The following SNX8 variants were observed in gnomAD, a reference collection of about 807,000 sequenced individuals.
SNX8 encodes the protein sorting nexin-8.
In SNX8, 25 loss-of-function variants were observed where a neutral mutation model predicts 51.6. The ratio of observed to expected loss-of-function variants is 0.48; its 90% CI spans 0.35 to 0.68. The LOEUF (loss-of-function observed/expected upper bound fraction) is 0.68. Among genes scored for constraint, SNX8 ranks in the 30% least tolerant of loss-of-function variants. SNX8 has a pLI of 0.00. For missense variants in SNX8, 695 were observed against 624.0 expected (o/e 1.11, Z -1.21); for synonymous variants, 324 against 277.0 (o/e 1.17, Z -1.68).
intron 3 of SNX8, among the ~76,000 whole-genome samples, chr7:2,273,409 T>C (rs1447336607): frequency 1.4e-5 from 2 of 146,660 alleles, no homozygotes; most frequent in Non-Finnish European, 3.0e-5. Context: ...TGAAACCCCA[T>C]CTCCACTAAA....
At chr7:2,292,572 C>A (rs1020296169) in intron 1 of SNX8, among the ~76,000 whole-genome samples, 3 of 151,888 alleles carry the variant, frequency 2.0e-5, no homozygotes, top group Non-Finnish European at 4.4e-5. Context: ...CCACCACACC[C>A]GGCTAATTTT....
intron 5 of SNX8, among the ~76,000 whole-genome samples, chr7:2,264,945 G>A (rs1191233127): frequency 6.6e-6 from 1 of 152,224 alleles, no homozygotes; most frequent in Non-Finnish European, 1.5e-5. Context: ...TGAGACAGGA[G>A]AATTGCTTGA....
chr7:2,285,341 T>C (rs13220928), intron 1 of SNX8, among the ~76,000 whole-genome samples: 1 of 151,634 alleles, frequency 6.6e-6, no homozygotes, highest in Non-Finnish European at 1.5e-5. Context: ...GTGAGCCAAG[T>C]TCGCGCCACT....
intron 1 of SNX8, among the ~76,000 whole-genome samples, chr7:2,301,236 CAG>C (rs1367355403): frequency 6.6e-6 from 1 of 152,202 alleles, no homozygotes; most frequent in African/African-American, 2.4e-5. Flanking sequence ...GCAAATCCAA[CAG>C]AGACCCTCAC....
intron 7 of SNX8, among the ~76,000 whole-genome samples, chr7:2,262,519 G>A (rs191028501): frequency 3.5e-4 from 50 of 141,342 alleles, no homozygotes; most frequent in East Asian, 3.4e-3. Flanking sequence ...GGTGGGAGCC[G>A]CTCAGGTGCT....
rs777773461 is a variant in SNX8 at position 2,257,465 on chromosome 7, GC to G, written c.1033del (p.Ala345ProfsTer7). ...EKGVLHKHQR[A>X]LHKYSLMKRQ... The stretch of plus-strand genomic sequence containing the variant: ...CTTCATCAGGCTGTACTTGTGCAGG[GC>G]CCGCTGGTGCTTGTGCAACACGCCC... On this transcript the variant is annotated frameshift_variant, in exon 9 of 11. Coordinates refer to ENST00000222990, the MANE Select transcript of SNX8 (RefSeq NM_013321.4). LOFTEE classifies it high-confidence loss of function. 2 of 1,607,634 alleles carry G rather than the reference GC, an allele frequency of 1.2e-6. No homozygotes were observed. Among genetic ancestry groups the G allele is most frequent in the Non-Finnish European group, 1.7e-6 (2 of 1,178,406 alleles).
intron 1 of SNX8, among the ~76,000 whole-genome samples, chr7:2,287,194 G>T (rs937398337): frequency 9.3e-5 from 14 of 151,348 alleles, no homozygotes; most frequent in African/African-American, 3.4e-4. Context: ...TGTTGCTCAG[G>T]CTAGTCTCAA....
intron 1 of SNX8, among the ~76,000 whole-genome samples, chr7:2,342,702 G>A (rs929035189): frequency 2.0e-5 from 3 of 151,960 alleles, no homozygotes; most frequent in African/African-American, 4.8e-5. Flanking sequence ...AAAGTATCAC[G>A]TAAGTGGAGA....
chr7:2,282,212 A>T (rs1330144495), intron 1 of SNX8, among the ~76,000 whole-genome samples: 1 of 151,890 alleles, frequency 6.6e-6, no homozygotes, highest in Non-Finnish European at 1.5e-5. Context: ...ACCCACTAAA[A>T]CTCAGAATGC....
chr7:2,328,094 G>A (rs2115232200), intron 1 of SNX8, among the ~76,000 whole-genome samples: 1 of 152,136 alleles, frequency 6.6e-6, no homozygotes, highest in Admixed American at 6.6e-5. Flanking sequence ...CTGTCACCCA[G>A]GCTGGAGTGT....
intron 4 of SNX8, among the ~76,000 whole-genome samples, chr7:2,270,314 C>CAAAAAAAAAAA (rs57983721): frequency 5.3e-5 from 3 of 57,086 alleles, no homozygotes; most frequent in African/African-American, 1.6e-4. Context: ...TCTCATTTTA[C>CAAAAAAAAAAA]AAAAAAAAAA....
intron 3 of SNX8, among the ~76,000 whole-genome samples, chr7:2,273,416 TA>T (rs1311405245): frequency 6.8e-6 from 1 of 147,216 alleles, no homozygotes; most frequent in African/African-American, 2.5e-5. Flanking sequence ...CCATCTCCAC[TA>T]AAAATACAAA....
At chr7:2,307,725 T>C (rs1584727891) in intron 1 of SNX8, 1 of 146,266 alleles carries the variant, frequency 6.8e-6, no homozygotes, top group South Asian at 2.3e-4. Context: ...CTGTGCCTCC[T>C]ACCTGCAGCC....
intron 2 of SNX8, among the ~76,000 whole-genome samples, chr7:2,275,997 CA>C (rs772419452): frequency 1.2e-3 from 131 of 104,994 alleles, no homozygotes; most frequent in Non-Finnish European, 1.3e-3. Flanking sequence ...GACTCCATTT[CA>C]AAAAAAAAAA....
At chr7:2,326,256 T>C (rs1778619740) in intron 1 of SNX8, among the ~76,000 whole-genome samples, 2 of 151,952 alleles carry the variant, frequency 1.3e-5, no homozygotes, top group African/African-American at 4.8e-5. Context: ...TCCTAGTTAC[T>C]TGGGAGGCTG....
chr7:2,310,197 A>C (rs570278319), intron 1 of SNX8, among the ~76,000 whole-genome samples: 43 of 152,016 alleles, frequency 2.8e-4, no homozygotes, highest in South Asian at 1.5e-3. Flanking sequence ...TACCACACTC[A>C]CTGCCGTTCT....
At chr7:2,285,990 T>TA (rs371453562) in intron 1 of SNX8, among the ~76,000 whole-genome samples, 13 of 151,928 alleles carry the variant, frequency 8.6e-5, no homozygotes, top group African/African-American at 3.1e-4. Flanking sequence ...GCCTAGGTTG[T>TA]ATACTTTAAA....
intron 1 of SNX8, among the ~76,000 whole-genome samples, chr7:2,350,596 G>C (rs1357749534): frequency 6.6e-6 from 1 of 152,086 alleles, no homozygotes; most frequent in East Asian, 1.9e-4. Context: ...TCTAAGCCAG[G>C]AGTTCAAGAC....
chr7:2,312,755 T>TCC (rs10672731), intron 1 of SNX8, among the ~76,000 whole-genome samples: 5,915 of 149,900 alleles, frequency 0.039, 251 homozygotes, highest in African/African-American at 0.095. Flanking sequence ...CCCAATCTTG[T>TCC]CCCCCCCCAC....
Sources: allele counts gnomAD v4.1 joint callset (sites outside exome capture counted in the v4.1 genomes callset), GRCh38; gene constraint gnomAD v4.1.1; transcripts MANE v1.5; gene names NCBI Gene and HGNC (gene_info 2026-07-23, HGNC 2026-07-21).